Variants in L3MBTL4 observed in about 807,000 individuals in gnomAD.
The protein encoded by L3MBTL4 is lethal(3)malignant brain tumor-like protein 4.
A neutral mutation model predicts 84.5 loss-of-function variants in L3MBTL4; 70 were observed. The observed-to-expected ratio is 0.83, with a 90% CI of 0.68 to 1.01. L3MBTL4 has a LOEUF of 1.01. L3MBTL4 is among the 50% of genes least tolerant of loss of function. The pLI, the probability that L3MBTL4 is intolerant of heterozygous loss-of-function variation, is 0.00. For missense variants in L3MBTL4, 715 were observed against 754.8 expected (o/e 0.95, Z 0.62); for synonymous variants, 274 against 259.8 (o/e 1.05, Z -0.52).
At chr18:6,171,010 T>C (rs1178415405) in intron 13 of L3MBTL4, among the ~76,000 whole-genome samples, 1 of 152,202 alleles carries the variant, frequency 6.6e-6, no homozygotes, top group African/African-American at 2.4e-5. Flanking sequence ...TGTAGAACTG[T>C]TTGTCCAATT....
intron 12 of L3MBTL4, among the ~76,000 whole-genome samples, chr18:6,176,719 CA>C: frequency 6.6e-6 from 1 of 152,196 alleles, no homozygotes; most frequent in East Asian, 1.9e-4. Context: ...TTACCTGACT[CA>C]AAAACTTTTG....
chr18:6,049,846 A>G (rs192376820), intron 16 of L3MBTL4, among the ~76,000 whole-genome samples: 4 of 152,368 alleles, frequency 2.6e-5, no homozygotes, highest in Admixed American at 2.6e-4. Context: ...ACAAACCTGT[A>G]CATGTAACCC....
chr18:6,365,956 A>G (rs2053917854), intron 1 of L3MBTL4, among the ~76,000 whole-genome samples: 2 of 152,214 alleles, frequency 1.3e-5, no homozygotes, highest in African/African-American at 4.8e-5. Flanking sequence ...ACACAGCCTT[A>G]GCCAAATGCA....
At chr18:6,269,985 C>T (rs1468779660) in intron 4 of L3MBTL4, among the ~76,000 whole-genome samples, 2 of 152,180 alleles carry the variant, frequency 1.3e-5, no homozygotes, top group Non-Finnish European at 2.9e-5. Flanking sequence ...TTCCCAATTC[C>T]ATTAGCCATA....
intron 14 of L3MBTL4, among the ~76,000 whole-genome samples, chr18:6,135,249 C>T (rs2144595171): frequency 6.6e-6 from 1 of 152,292 alleles, no homozygotes; most frequent in African/African-American, 2.4e-5. Context: ...CTTTTTCCTC[C>T]TGGGCCTCCA....
rs1462428930 is a variant in L3MBTL4, at chr18:6,309,761, G to A, written c.72+1793C>T. The stretch of plus-strand genomic sequence containing the variant: ...ACTCAGATTGTAGAGTAAGATAACC[G>A]AGTACTAAGATAGGGGGGTAACAAT... On this transcript the variant is annotated intron_variant, in intron 3 of 18. Transcript: ENST00000317931. Among the ~76,000 whole-genome samples, 6 of 152,212 alleles carry A rather than the reference G, an allele frequency of 3.9e-5. No homozygotes were observed. The South Asian group carries it at 6.2e-4, about 16-fold the overall frequency.
intron 16 of L3MBTL4, among the ~76,000 whole-genome samples, chr18:6,021,580 C>T (rs1293859434): frequency 2.0e-5 from 3 of 152,158 alleles, no homozygotes; most frequent in Admixed American, 1.3e-4. Flanking sequence ...CTGCCTTTTG[C>T]GGCCCTCCCT....
intron 16 of L3MBTL4, among the ~76,000 whole-genome samples, chr18:6,024,035 C>A (rs964634421): frequency 6.6e-6 from 1 of 152,088 alleles, no homozygotes; most frequent in South Asian, 2.1e-4. Flanking sequence ...AATAAAGATA[C>A]CCAGCTAATT....
At chr18:6,137,584 A>G (rs1268260932) in intron 14 of L3MBTL4, among the ~76,000 whole-genome samples, 1 of 151,932 alleles carries the variant, frequency 6.6e-6, no homozygotes, top group African/African-American at 2.4e-5. Context: ...CTTAATTTAT[A>G]TATGTTTCTA....
chr18:6,005,715 C>T (rs1442715498), intron 16 of L3MBTL4, among the ~76,000 whole-genome samples: 1 of 152,146 alleles, frequency 6.6e-6, no homozygotes, highest in African/African-American at 2.4e-5. Flanking sequence ...ATATGTACCA[C>T]ATCGTCTTTA....
At chr18:6,030,190 G>A (rs2055719388) in intron 16 of L3MBTL4, 1 of 828,846 alleles carries the variant, frequency 1.2e-6, no homozygotes, top group African/African-American at 1.9e-5. Context: ...AGACACACAA[G>A]AGAAGTATAC....
intron 14 of L3MBTL4, among the ~76,000 whole-genome samples, chr18:6,126,816 A>G (rs1283741016): frequency 1.3e-5 from 2 of 152,262 alleles, no homozygotes; most frequent in Non-Finnish European, 2.9e-5. Context: ...CACTTTGAGA[A>G]TTAAAAGGTT....
intron 16 of L3MBTL4, among the ~76,000 whole-genome samples, chr18:5,994,513 G>A (rs973875070): frequency 2.0e-5 from 3 of 152,196 alleles, no homozygotes; most frequent in African/African-American, 4.8e-5. Context: ...AGGGAAGCAG[G>A]TGGGGCAGGC....
At chr18:6,050,237 G>C (rs1172816903) in intron 16 of L3MBTL4, among the ~76,000 whole-genome samples, 3 of 152,250 alleles carry the variant, frequency 2.0e-5, no homozygotes, top group South Asian at 2.1e-4. Context: ...CTTTCCTCTG[G>C]ATAAAGAACT....
intron 14 of L3MBTL4, among the ~76,000 whole-genome samples, chr18:6,101,389 T>C (rs1335371153): frequency 6.6e-6 from 1 of 152,168 alleles, no homozygotes; most frequent in Non-Finnish European, 1.5e-5. Flanking sequence ...GAGAAAAATA[T>C]GTCTATTCCC....
intron 17 of L3MBTL4, among the ~76,000 whole-genome samples, chr18:5,964,263 T>C (rs1036694071): frequency 6.6e-6 from 1 of 152,240 alleles, no homozygotes; most frequent in Non-Finnish European, 1.5e-5. Context: ...CTGCCCAGGC[T>C]CTGAGAGGAG....
chr18:6,077,683 T>C (rs1051430656), intron 16 of L3MBTL4, among the ~76,000 whole-genome samples: 2 of 147,020 alleles, frequency 1.4e-5, no homozygotes, highest in Admixed American at 1.4e-4. Flanking sequence ...CCTCCCCTCA[T>C]AGAAGAAATA....
chr18:6,281,003 T>C (rs1443502552), intron 4 of L3MBTL4, among the ~76,000 whole-genome samples: 1 of 152,080 alleles, frequency 6.6e-6, no homozygotes, highest in African/African-American at 2.4e-5. Flanking sequence ...TTTCTACTGC[T>C]TGAGCCGCTA....
At chr18:6,014,445 G>T (rs1464196185) in intron 16 of L3MBTL4, among the ~76,000 whole-genome samples, 2 of 152,212 alleles carry the variant, frequency 1.3e-5, no homozygotes, top group Non-Finnish European at 2.9e-5. Flanking sequence ...GAGAGGAGAA[G>T]TAGAGGCTGC....
Sources: allele counts gnomAD v4.1 joint callset (sites outside exome capture counted in the v4.1 genomes callset), GRCh38; gene constraint gnomAD v4.1.1; transcripts MANE v1.5; gene names NCBI Gene and HGNC (gene_info 2026-07-23, HGNC 2026-07-21).